RYR1: variants seen among roughly 807,000 people sequenced by gnomAD.
RYR1 encodes the protein ryanodine receptor 1.
RYR1 carries 342 observed loss-of-function variants against 583.5 expected under a neutral mutation model. The observed-to-expected ratio is 0.59, with a 90% CI of 0.54 to 0.64. RYR1 has a LOEUF of 0.64. Ranked by LOEUF, RYR1 falls within the 30% of genes least tolerant of loss-of-function variation. The pLI is 0.00. For synonymous variants in RYR1, 2,791 were observed against 2,822.5 expected, an observed-to-expected ratio of 0.99 and a Z score of 0.35; for missense variants, 6,032 against 6,917.2, an observed-to-expected ratio of 0.87 and a Z score of 4.54.
rs138616455 is a variant in RYR1, at chr19:38,573,269, C to T, written c.14091C>T (p.Asp4697=). ...LYITEQPEDD[D]VKGQWDRLVL... ...TCACGGAGCAGCCTGAGGACGATGA[C>T]GTGAAGGGGCAGTGGGACCGACTGG... The change falls in exon 96 of 106, where the codon GAC becomes GAT. Residue 4697 remains aspartate (D), a synonymous_variant. Transcript: ENST00000359596. The T allele has an allele frequency of 1.6e-4, 259 of 1,613,860 alleles. 1 individual carries two copies. Among genetic ancestry groups the T allele is most frequent in the African/African-American group, 4.8e-4 (36 of 75,002 alleles).
rs1047669634 is a variant in RYR1, at chr19:38,535,939, G to C, written c.11517-58G>C. The C allele has an allele frequency of 9.8e-5, 148 of 1,507,756 alleles. No individual in the cohort carries two copies. In the Middle Eastern group the frequency reaches 7.3e-3, roughly 74 times the overall value. 93.4% of individuals were successfully genotyped at this position (1,507,756 alleles called of 1,614,324 possible). A position where few individuals can be genotyped will look rare whatever the true frequency, so the allele number is the denominator to read the frequency against. On this transcript the variant is annotated intron_variant, in intron 81 of 105. Transcript: ENST00000359596. ...ATGGTGGGGAGCTGCCAGGCCCTGG[G>C]AGAGAGGAGGGCAGAGGCTTCATCA... is the stretch of plus-strand genomic sequence containing the variant.
At position 38,463,807 on chromosome 19, in the gene RYR1, C is replaced by T. The variant is rs1967925456; in HGVS notation, c.2743C>T (p.Pro915Ser). The change falls in exon 22 of 106, where the codon CCT becomes TCT. Residue 915 changes from proline to serine, a missense_variant. Physicochemically the swap from Pro to Ser is moderately conservative, Grantham distance 74. Transcript: ENST00000359596. ...TGTGGACTTCCACAGCCTTCCAGAGCCTGAGAGGAACTACAACCTGCAGAT... is the reference window on the plus strand; with the variant it reads ...TGTGGACTTCCACAGCCTTCCAGAGTCTGAGAGGAACTACAACCTGCAGAT... ...CLVDFHSLPE[P>S]ERNYNLQMSG... 6.2e-7 allele frequency: 1 copy of T among 1,613,976 alleles called. No homozygotes were observed. The highest frequency in any genetic ancestry group is 8.5e-7 in the Non-Finnish European group (1 of 1,179,984).
At chr19:38,503,754 G>A (rs1970309046) in intron 49 of RYR1, among the ~76,000 whole-genome samples, 2 of 150,346 alleles carry the variant, frequency 1.3e-5, no homozygotes, top group Admixed American at 6.6e-5. Context: ...GCCTGGTCAA[G>A]AGAGTGAGAC....
At position 38,452,954 on chromosome 19, in the gene RYR1, C is replaced by T. The variant is rs750304434; in HGVS notation, c.1380C>T (p.His460=). ...AGCCTCCCTCCGAGGACTTGCAGCA[C>T]GAGGAGAAGCAGAGCAAGCTGCGAA... The part of the protein sequence containing the change: ...YFEPPSEDLQ[H]EEKQSKLRSL... Residue 460 remains histidine, a synonymous_variant, in exon 13 of 106, where the codon CAC becomes CAT. Coordinates refer to ENST00000359596, the MANE Select transcript of RYR1 (RefSeq NM_000540.3). The T allele has an allele frequency of 1.9e-6, 3 of 1,613,990 alleles. No individual in the cohort carries two copies. Among genetic ancestry groups the T allele is most frequent in the Non-Finnish European group, 1.7e-6 (2 of 1,179,892 alleles).
intron 99 of RYR1, 46 bp from the exon 100 acceptor site, chr19:38,579,936 G>C (rs770512053): frequency 6.2e-7 from 1 of 1,613,504 alleles, no homozygotes. Flanking sequence ...AGTGCTCCTC[G>C]TGTGTCCCTG....
At position 38,455,759 on chromosome 19, in the gene RYR1, C is replaced by A; in HGVS notation, c.1791+8C>A. 1.3e-6 allele frequency: 2 copies of A among 1,552,790 alleles called. No individual in the cohort carries two copies. Among genetic ancestry groups the A allele is most frequent in the East Asian group, 2.2e-5 (1 of 44,580 alleles). ...CATGGGAGGAACCACAAGGTCGGCCCCTCACCCCTGACCTCTCATCCCCTG... is the reference window on the plus strand; with the variant it reads ...CATGGGAGGAACCACAAGGTCGGCCACTCACCCCTGACCTCTCATCCCCTG... On this transcript the variant is annotated splice_region_variant and intron_variant, in intron 16 of 105. Coordinates refer to ENST00000359596, the MANE Select transcript of RYR1 (RefSeq NM_000540.3).
intron 71 of RYR1, among the ~76,000 whole-genome samples, chr19:38,526,528 G>A (rs915005008): frequency 1.3e-5 from 2 of 151,848 alleles, no homozygotes; most frequent in Non-Finnish European, 2.9e-5. Flanking sequence ...CTTGGTCCTT[G>A]AGGGCTCCCC....
In RYR1 at chr19:38,543,774, C is replaced by T; in HGVS notation, c.11911C>T (p.Pro3971Ser). The T allele has an allele frequency of 1.2e-6, 2 of 1,613,098 alleles. No individual in the cohort carries two copies. Among genetic ancestry groups the T allele is most frequent in the Non-Finnish European group, 1.7e-6 (2 of 1,180,010 alleles). ...CACACGGCACTCTGCCTCCCAGGGT[C>T]CCTGCACCGGGAACCAGCAGAGCCT... is the stretch of plus-strand genomic sequence containing the variant. ...FNSLTEYIQG[P>S]CTGNQQSLAH... The change falls in exon 87 of 106, where the codon CCC becomes TCC. Residue 3971 changes from proline to serine, a missense_variant. Pro to Ser is a moderately conservative substitution (Grantham distance 74). Coordinates refer to ENST00000359596, the MANE Select transcript of RYR1 (RefSeq NM_000540.3). This position sits in a 1 kb window ranked among gnomAD's most constrained non-coding sequence, Gnocchi z 4.4.
At chr19:38,574,501 G>T (rs185158262) in intron 96 of RYR1, among the ~76,000 whole-genome samples, 1 of 151,698 alleles carries the variant, frequency 6.6e-6, no homozygotes, top group Non-Finnish European at 1.5e-5. Context: ...CCTGGCTAGC[G>T]CATGCCTGTA....
rs536596969 is a variant in RYR1, at chr19:38,499,243, G to A, written c.7027G>A (p.Gly2343Ser). The A allele has an allele frequency of 1.3e-5, 21 of 1,614,186 alleles. No individual in the cohort carries two copies. Among genetic ancestry groups the A allele is most frequent in the East Asian group, 4.5e-5 (2 of 44,880 alleles). The change falls in exon 43 of 106, where the codon GGC (glycine) becomes AGC (serine). Residue 2343 changes from glycine to serine, a missense_variant and splice_region_variant. By Grantham distance (56) the Gly-to-Ser change is moderately conservative. Around this residue, in one of 11 missense-constraint regions of RYR1, gnomAD observed 2,627 missense variants for 2,961.3 expected, o/e 0.89. Transcript: ENST00000359596. This position sits in a 1 kb window ranked among gnomAD's most constrained non-coding sequence, Gnocchi z 7.3. Reference protein sequence around the residue: ...DFLRFAVFVNGESVEENANVV... With the variant: ...DFLRFAVFVNSESVEENANVV... ...CCTGCGCTTTGCTGTCTTCGTCAAC[G>A]GTGAGGAGGGGGTGGCAGTGGCAGA...
In RYR1 at chr19:38,502,986, C is replaced by G. The variant is rs1970265575; in HGVS notation, c.7926+16C>G. The G allele has an allele frequency of 6.2e-7, 1 of 1,605,600 alleles. No homozygotes were observed. The highest frequency in any genetic ancestry group is 8.5e-7 in the Non-Finnish European group (1 of 1,179,738). ...GCCACTCAAGGTGAGGGCAAGCGCT[C>G]TTTAGCATCTCATTTCCAGGCCGCA... On this transcript the variant is annotated intron_variant, in intron 49 of 105. Transcript: ENST00000359596.
chr19:38,561,125 C>T lies in RYR1; in HGVS notation c.12295C>T (p.Gln4099Ter). ...TGCCCGCCCCCAGGCCATGGACAGC[C>T]AGAAGCAGTTCAGCGGTCCAGAAAT... is the stretch of plus-strand genomic sequence containing the variant. Reference protein sequence around the residue: ...KKDFQKAMDSQKQFSGPEIQF... With the variant: ...KKDFQKAMDS The change falls in exon 90 of 106, where the codon CAG (glutamine) becomes TAG (stop). Residue 4099 changes from glutamine to a stop codon, truncating the protein, a stop_gained. Transcript: ENST00000359596. LOFTEE classifies it high-confidence loss of function. This position sits in a 1 kb window ranked among gnomAD's most constrained non-coding sequence, Gnocchi z 4.8. 1 of 1,614,090 alleles carries T rather than the reference C, an allele frequency of 6.2e-7. No individual in the cohort carries two copies.
At chr19:38,587,211 C>T (rs1974534146) in intron 105 of RYR1, 114 bp from the exon 106 acceptor site, 8 of 741,130 alleles carry the variant, frequency 1.1e-5, no homozygotes, top group Non-Finnish European at 1.9e-5. Flanking sequence ...GTGATTGTCG[C>T]CACTGCACTC....
chr19:38,453,543 C>A (rs1967206700), intron 13 of RYR1, among the ~76,000 whole-genome samples: 1 of 151,882 alleles, frequency 6.6e-6, no homozygotes, highest in African/African-American at 2.4e-5. Context: ...AGAAAAAAAT[C>A]TCTGTCCTTA....
chr19:38,475,524 T>G, intron 29 of RYR1, 74 bp downstream of exon 29: 2 of 1,589,796 alleles, frequency 1.3e-6, no homozygotes, highest in Non-Finnish European at 1.7e-6. Context: ...AAGTTTAGTG[T>G]GACAGTCCCC....
Position 38,543,365 on chromosome 19 carries a change from G to A in RYR1, c.11708G>A (p.Arg3903Gln), listed in dbSNP as rs148399313. ...GHNNDFQNYL[R>Q]TQTGNTTTIN... Reference sequence around the variant, plus strand: ...TCCCCAGATTTCCAGAACTACCTACGGACACAGACAGGGAACACGACCACT... The same window carrying A: ...TCCCCAGATTTCCAGAACTACCTACAGACACAGACAGGGAACACGACCACT... The change falls in exon 85 of 106, where the codon CGG becomes CAG. Residue 3903 changes from arginine to glutamine, a missense_variant. Transcript: ENST00000359596. The surrounding 1 kb of genome is among the most constrained non-coding windows in gnomAD (Gnocchi z 4.4). The A allele has an allele frequency of 9.3e-6, 15 of 1,614,050 alleles. No homozygotes were observed. The highest frequency in any genetic ancestry group is 1.3e-5 in the Non-Finnish European group (15 of 1,180,042).
Position 38,455,257 on chromosome 19 carries a change from A to C in RYR1, c.1463A>C (p.Asn488Thr). Residue 488 changes from asparagine to threonine, a missense_variant, in exon 14 of 106, where the codon AAT (asparagine) becomes ACT (threonine). Asn to Thr is a moderately conservative substitution (Grantham distance 65, BLOSUM62 0). Coordinates refer to ENST00000359596, the MANE Select transcript of RYR1 (RefSeq NM_000540.3). ...QEEGMLSMVL[N>T]CIDRLNVYTT... Reference sequence around the variant, plus strand: ...TAGGGGATGCTCTCCATGGTCCTGAATTGCATAGACCGCCTAAATGTCTAC... The same window carrying C: ...TAGGGGATGCTCTCCATGGTCCTGACTTGCATAGACCGCCTAAATGTCTAC... The C allele has an allele frequency of 6.2e-7, 1 of 1,614,080 alleles. No individual in the cohort carries two copies. Among genetic ancestry groups the C allele is most frequent in the Non-Finnish European group, 8.5e-7 (1 of 1,179,988 alleles).
intron 52 of RYR1, 49 bp downstream of exon 52, chr19:38,505,130 TC>T (rs765032497): frequency 1.9e-6 from 3 of 1,552,832 alleles, no homozygotes; most frequent in Middle Eastern, 1.7e-4. Flanking sequence ...ACCCCAGCTT[TC>T]CCCCCGACCT....
rs111364296 is a variant in RYR1 at position 38,499,817 on chromosome 19, G to A, written c.7210G>A (p.Glu2404Lys). 1.8e-5 allele frequency: 29 copies of A among 1,606,690 alleles called. No individual in the cohort carries two copies. The highest frequency in any genetic ancestry group is 5.5e-5 in the South Asian group (5 of 90,846). ...GPGIRRDRRR[E>K]HFGEEPPEEN... is the part of the protein sequence containing the mutation. ...AGGCATCCGCAGGGACCGGCGGCGC[G>A]AGCAGTGAGTCTCCCGGCCCCCTCC... Residue 2404 changes from glutamate to lysine, a missense_variant, in exon 44 of 106, where the codon GAG (glutamate) becomes AAG (lysine). Around this residue, in one of 11 missense-constraint regions of RYR1, gnomAD observed 2,627 missense variants for 2,961.3 expected, o/e 0.89. Coordinates refer to ENST00000359596, the MANE Select transcript of RYR1 (RefSeq NM_000540.3). This position sits in a 1 kb window ranked among gnomAD's most constrained non-coding sequence, Gnocchi z 7.3.
Sources: allele counts gnomAD v4.1 joint callset (sites outside exome capture counted in the v4.1 genomes callset), GRCh38; gene constraint gnomAD v4.1.1; regional missense constraint gnomAD v4.1.1; non-coding constraint Gnocchi (gnomAD v3.1); transcripts MANE v1.5; gene names NCBI Gene and HGNC (gene_info 2026-07-23, HGNC 2026-07-21).